The following CTNNA2 variants were observed in gnomAD, a reference collection of about 807,000 sequenced individuals.
CTNNA2 encodes catenin alpha-2.
CTNNA2 carries 42 observed loss-of-function variants against 101.0 expected under a neutral mutation model. The ratio of observed to expected loss-of-function variants is 0.42; its 90% CI spans 0.32 to 0.54. The LOEUF (loss-of-function observed/expected upper bound fraction) is 0.54, where lower values mean the gene tolerates loss of function less well. CTNNA2 is among the 20% of genes least tolerant of loss of function. The probability of loss-of-function intolerance (pLI) is 0.14; values close to 1 mark genes in which losing one functional copy is unlikely to be tolerated. For missense variants in CTNNA2, 871 were observed against 1,223.1 expected (o/e 0.71, Z 4.29); for synonymous variants, 450 against 456.4 (o/e 0.99, Z 0.18).
intron 9 of CTNNA2, among the ~76,000 whole-genome samples, chr2:80,448,353 A>G (rs1683229428): frequency 1.3e-5 from 2 of 152,250 alleles, no homozygotes; most frequent in African/African-American, 4.8e-5. Flanking sequence ...GACAATCTCA[A>G]AATCTTCAAA....
At chr2:80,372,250 A>G (rs544152395) in intron 7 of CTNNA2, among the ~76,000 whole-genome samples, 95 of 145,316 alleles carry the variant, frequency 6.5e-4, no homozygotes, top group African/African-American at 2.4e-3. Flanking sequence ...GTGGAACCCC[A>G]GAACCTCTCC....
At position 80,555,908 on chromosome 2, in the gene CTNNA2, T is replaced by C; in HGVS notation, c.1741+15T>C. 1 of 1,465,098 alleles carries C rather than the reference T, an allele frequency of 6.8e-7. No homozygotes were observed. The highest frequency in any genetic ancestry group is 9.1e-7 in the Non-Finnish European group (1 of 1,099,848). 90.8% of individuals were successfully genotyped at this position (1,465,098 alleles called of 1,614,324 possible). On this transcript the variant is annotated intron_variant, in intron 12 of 18. Transcript: ENST00000402739. ...TTCTGAAACAGGTAAGCATGGGTAT[T>C]GGGTCTGGCCAAAATGTTAATGCCT...
rs774013134 is a variant in CTNNA2 at position 80,555,807 on chromosome 2, A to G, written c.1655A>G (p.His552Arg). 1 of 1,600,968 alleles carries G rather than the reference A, an allele frequency of 6.2e-7. No individual in the cohort carries two copies. Among genetic ancestry groups the G allele is most frequent in the Non-Finnish European group, 8.5e-7 (1 of 1,173,866 alleles). ...AIRGRAARVI[H>R]IINAEMENYE... ...AGGGGCCGGGCAGCTCGAGTCATAC[A>G]CATCATCAATGCTGAGATGGAGAAC... Residue 552 changes from histidine to arginine, a missense_variant, in exon 12 of 19, where the codon CAC becomes CGC. By Grantham distance (29) the His-to-Arg change is conservative (BLOSUM62 0). Around this residue, in one of 5 missense-constraint regions of CTNNA2, gnomAD observed 647 missense variants for 831.5 expected, o/e 0.78. Transcript: ENST00000402739.
At chr2:79,897,491 A>G (rs1216605972) in intron 6 of CTNNA2, among the ~76,000 whole-genome samples, 1 of 152,152 alleles carries the variant, frequency 6.6e-6, no homozygotes, top group Non-Finnish European at 1.5e-5. Flanking sequence ...AACTCACTAC[A>G]TTTCATATAT....
chr2:79,293,068 C>G (rs1446228196), intron 2 of CTNNA2: 2 of 152,208 alleles, frequency 1.3e-5, no homozygotes, highest in African/African-American at 4.8e-5. Context: ...TGATTCATCC[C>G]CAAAAGCTTT....
intron 18 of CTNNA2, among the ~76,000 whole-genome samples, chr2:80,625,429 AG>A (rs1671582103): frequency 6.6e-6 from 1 of 152,028 alleles, no homozygotes; most frequent in Admixed American, 6.6e-5. Context: ...TGAGGTTCAG[AG>A]GAGTTCAGAA....
intron 7 of CTNNA2, among the ~76,000 whole-genome samples, chr2:80,167,004 TC>T (rs1055094809): frequency 3.3e-5 from 5 of 152,082 alleles, no homozygotes; most frequent in African/African-American, 4.8e-5. Flanking sequence ...GATCCTGTAA[TC>T]CCTAGCCAGC....
chr2:79,813,529 G>T (rs1677215543), intron 3 of CTNNA2, among the ~76,000 whole-genome samples: 1 of 152,158 alleles, frequency 6.6e-6, no homozygotes, highest in Admixed American at 6.5e-5. Flanking sequence ...TTACTGAAAT[G>T]GGGAATATAA....
intron 7 of CTNNA2, among the ~76,000 whole-genome samples, chr2:79,999,607 T>A (rs923078796): frequency 6.6e-6 from 1 of 152,226 alleles, no homozygotes; most frequent in Non-Finnish European, 1.5e-5. Flanking sequence ...TATTTAATTC[T>A]GTAAACAAAC....
chr2:79,981,704 CA>C (rs1691283934), intron 7 of CTNNA2, among the ~76,000 whole-genome samples: 1 of 152,156 alleles, frequency 6.6e-6, no homozygotes, highest in South Asian at 2.1e-4. Flanking sequence ...TTTTATCGAG[CA>C]AAAGCTTACT....
In CTNNA2 at chr2:79,187,270, C is replaced by CTTTTTTTTT. The variant is rs781414965; in HGVS notation, c.-524+1848_-524+1856dup. Among the ~76,000 whole-genome samples the CTTTTTTTTT allele has an allele frequency of 6.7e-4, 44 of 65,440 alleles. 4 individuals carry two copies. Among genetic ancestry groups the CTTTTTTTTT allele is most frequent in the African/African-American group, 2.7e-3 (38 of 13,954 alleles). 42.9% of individuals were successfully genotyped at this position (65,440 alleles called of 152,430 possible). A position where few individuals can be genotyped will look rare whatever the true frequency, so the allele number is the denominator to read the frequency against. On this transcript the variant is annotated intron_variant, in intron 1 of 21. Transcript: ENST00000466387. The stretch of plus-strand genomic sequence containing the variant: ...CTTTTCTTTTCTTTTCTTTTCTTTT[C>CTTTTTTTTT]TTTTTTTTTTTTTTTTTGAGACAGA...
rs1330599843 is a variant in CTNNA2 at position 80,081,810 on chromosome 2, C to T, written c.1056+172013C>T. Among the ~76,000 whole-genome samples the T allele has an allele frequency of 3.3e-5, 5 of 151,796 alleles. 1 individual carries two copies. The South Asian group carries it at 6.2e-4, about 19-fold the overall frequency. On this transcript the variant is annotated intron_variant, in intron 7 of 18. Coordinates refer to ENST00000402739, the MANE Select transcript of CTNNA2 (RefSeq NM_001282597.3). Reference sequence around the variant, plus strand: ...TTCTCTCTCTCTCTATCTCCTCTCTCATCTTTGAAAACCAACAACATAGCC... The same window carrying T: ...TTCTCTCTCTCTCTATCTCCTCTCTTATCTTTGAAAACCAACAACATAGCC...
intron 6 of CTNNA2, among the ~76,000 whole-genome samples, chr2:79,904,104 C>T (rs1207328607): frequency 2.0e-5 from 3 of 152,140 alleles, no homozygotes; most frequent in Non-Finnish European, 4.4e-5. Context: ...CTTGGCCAAC[C>T]GCTTTTCACT....
chr2:80,014,337 C>T (rs7597545), intron 7 of CTNNA2, among the ~76,000 whole-genome samples: 120,027 of 151,446 alleles, frequency 0.79, 48,007 homozygotes, highest in Non-Finnish European at 0.85. Flanking sequence ...GGAGGGGTGA[C>T]GACAATGAAA....
At chr2:79,380,254 T>C (rs1323826242) in intron 4 of CTNNA2, among the ~76,000 whole-genome samples, 1 of 77,884 alleles carries the variant, frequency 1.3e-5, no homozygotes, top group African/African-American at 4.3e-5. Context: ...TTCTGTTCTT[T>C]TCTTTCTTTT....
At chr2:80,197,477 T>G (rs1706913477) in intron 7 of CTNNA2, among the ~76,000 whole-genome samples, 1 of 152,226 alleles carries the variant, frequency 6.6e-6, no homozygotes, top group South Asian at 2.1e-4. Flanking sequence ...GCAGATGTTA[T>G]TATTCCCATC....
intron 7 of CTNNA2, among the ~76,000 whole-genome samples, chr2:80,390,272 T>C (rs985833328): frequency 7.9e-5 from 12 of 152,240 alleles, no homozygotes; most frequent in Non-Finnish European, 1.8e-4. Flanking sequence ...ACTCAGTCAT[T>C]GAGCGTGCTA....
intron 1 of CTNNA2, among the ~76,000 whole-genome samples, chr2:79,537,938 C>T (rs1222513346): frequency 6.6e-6 from 1 of 151,982 alleles, no homozygotes; most frequent in East Asian, 1.9e-4. Context: ...ATATGCATGG[C>T]TTACTTCAGT....
chr2:79,271,782 G>A (rs1675089512), intron 2 of CTNNA2, among the ~76,000 whole-genome samples: 1 of 152,010 alleles, frequency 6.6e-6, no homozygotes, highest in Non-Finnish European at 1.5e-5. Context: ...GATGACCATG[G>A]GAAAGGCTGT....
Sources: allele counts gnomAD v4.1 joint callset (sites outside exome capture counted in the v4.1 genomes callset), GRCh38; gene constraint gnomAD v4.1.1; regional missense constraint gnomAD v4.1.1; transcripts MANE v1.5; gene names NCBI Gene and HGNC (gene_info 2026-07-23, HGNC 2026-07-21).